NFIB: variants seen among roughly 807,000 people sequenced by gnomAD.
The protein encoded by NFIB is nuclear factor I B.
In NFIB, 11 loss-of-function variants were observed where a neutral mutation model predicts 61.5. The ratio of observed to expected loss-of-function variants is 0.18; its 90% confidence interval spans 0.11 to 0.30. The LOEUF (loss-of-function observed/expected upper bound fraction) is 0.30. NFIB is among the 10% of genes least tolerant of loss of function. The probability of loss-of-function intolerance (pLI) is 1.00; values close to 1 mark genes in which losing one functional copy is unlikely to be tolerated. For missense variants in NFIB, 471 were observed against 608.9 expected, an observed-to-expected ratio of 0.77 and a Z score of 2.38; for synonymous variants, 260 against 216.5, an observed-to-expected ratio of 1.20 and a Z score of -1.76.
the NFIB span, among the ~76,000 whole-genome samples, chr9:14,494,100 G>C: frequency 1.3e-5 from 2 of 152,306 alleles, no homozygotes; most frequent in South Asian, 2.1e-4. Context: ...TATTTTAAGA[G>C]TTCCTGGTGG....
the NFIB span, among the ~76,000 whole-genome samples, chr9:14,509,982 C>T: frequency 1.3e-5 from 2 of 152,146 alleles, no homozygotes; most frequent in Admixed American, 6.5e-5. Context: ...CTGCAACCTT[C>T]GCTTCCCAGG....
the NFIB span, among the ~76,000 whole-genome samples, chr9:14,425,019 G>T: frequency 1.6e-4 from 24 of 152,288 alleles, no homozygotes; most frequent in East Asian, 4.2e-3. Flanking sequence ...AAGGAGTAGT[G>T]AGTAAATATG....
In NFIB at chr9:14,212,851, T is replaced by A. The variant is rs139603624; in HGVS notation, c.563-33071A>T. ...GGTAGATATTACTATCCCCATTTCA[T>A]AGATAAGGAAATTGAGGCTCACAGA... On this transcript the variant is annotated intron_variant, in intron 2 of 10. Transcript: ENST00000380953. Among the ~76,000 whole-genome samples the A allele has an allele frequency of 3.3e-5, 5 of 152,316 alleles. No homozygotes were observed. In the East Asian group the frequency reaches 9.6e-4, roughly 29 times the overall value.
chr9:14,337,200 T>G (rs1392034883), intron 1 of NFIB, among the ~76,000 whole-genome samples: 2 of 152,100 alleles, frequency 1.3e-5, no homozygotes, highest in African/African-American at 4.8e-5. Flanking sequence ...ATACAAGAAG[T>G]TCTCAGTAGA....
intron 1 of NFIB, among the ~76,000 whole-genome samples, chr9:14,394,113 A>G (rs10116194): frequency 0.12 from 17,734 of 152,236 alleles, 1,601 homozygotes; most frequent in East Asian, 0.33. Context: ...GTTATGCAAA[A>G]CACTGCAGAT....
Position 14,083,207 on chromosome 9 carries a change from A to T in NFIB, c.*5102T>A, listed in dbSNP as rs565941989. 1 of 223,720 alleles carries T rather than the reference A, an allele frequency of 4.5e-6. No homozygotes were observed. Among genetic ancestry groups the T allele is most frequent in the East Asian group, 6.5e-5 (1 of 15,498 alleles). The allele number at this position is 223,720 out of a possible 1,614,324, so 13.9% of individuals were successfully genotyped here. Reference sequence around the variant, plus strand: ...TTACTATTAACAATGTGACCAACAGATCTGTGGCACGGACACAGTACAAAG... The same window carrying T: ...TTACTATTAACAATGTGACCAACAGTTCTGTGGCACGGACACAGTACAAAG... On this transcript the variant is annotated 3_prime_UTR_variant, in exon 11 of 11. Transcript: ENST00000380953.
At chr9:14,099,217 T>C (rs945503579) in intron 10 of NFIB, among the ~76,000 whole-genome samples, 19 of 152,216 alleles carry the variant, frequency 1.2e-4, no homozygotes, top group African/African-American at 4.6e-4. Context: ...AGGGATTGCC[T>C]TTTGTTAAAA....
intron 2 of NFIB, among the ~76,000 whole-genome samples, chr9:14,227,638 T>C (rs150340788): frequency 7.2e-5 from 11 of 152,336 alleles, no homozygotes; most frequent in African/African-American, 1.9e-4. Flanking sequence ...TCCAATGTTG[T>C]TGATGATAAT....
Position 14,155,912 on chromosome 9 carries a change from G to T in NFIB, c.617-19C>A. 7.0e-7 allele frequency: 1 copy of T among 1,427,494 alleles called. No individual in the cohort carries two copies. Among genetic ancestry groups the T allele is most frequent in the Non-Finnish European group, 9.7e-7 (1 of 1,032,366 alleles). 88.4% of individuals were successfully genotyped at this position (1,427,494 alleles called of 1,614,324 possible). A position where few individuals can be genotyped will look rare whatever the true frequency, so the allele number is the denominator to read the frequency against. Reference sequence around the variant, plus strand: ...AGGTAACCTGAAAATAAATATTAAAGGAAAAATGATCAATATAAGCAGAAA... The same window carrying T: ...AGGTAACCTGAAAATAAATATTAAATGAAAAATGATCAATATAAGCAGAAA... On this transcript the variant is annotated intron_variant, in intron 3 of 10. Coordinates refer to ENST00000380953, the MANE Select transcript of NFIB (RefSeq NM_001190737.2).
the NFIB span, among the ~76,000 whole-genome samples, chr9:14,450,569 C>T: frequency 2.6e-5 from 4 of 152,138 alleles, no homozygotes; most frequent in Non-Finnish European, 4.4e-5. Context: ...TTACTTATAA[C>T]AAACCTTGCT....
At chr9:14,474,635 C>G in the NFIB span, among the ~76,000 whole-genome samples, 1 of 152,176 alleles carries the variant, frequency 6.6e-6, no homozygotes, top group Non-Finnish European at 1.5e-5. Context: ...ATGATTCATT[C>G]TGAGGCCAAA....
the NFIB span, among the ~76,000 whole-genome samples, chr9:14,479,661 T>C: frequency 1.3e-5 from 2 of 152,230 alleles, no homozygotes; most frequent in Admixed American, 6.5e-5. Context: ...TCAACTGTCA[T>C]GTCTCACTTT....
chr9:14,274,429 CATTTT>C (rs2057857638), intron 2 of NFIB, among the ~76,000 whole-genome samples: 1 of 152,162 alleles, frequency 6.6e-6, no homozygotes, highest in Non-Finnish European at 1.5e-5. Context: ...GCCCAGCCCT[CATTTT>C]TCAGTCTGAT....
chr9:14,207,440 G>T (rs2049858023), intron 2 of NFIB, among the ~76,000 whole-genome samples: 1 of 152,204 alleles, frequency 6.6e-6, no homozygotes, highest in Non-Finnish European at 1.5e-5. Flanking sequence ...TTGTGGTTTG[G>T]TAATGTGTAC....
chr9:14,300,052 T>C lies in NFIB; in HGVS notation c.562+6937A>G, dbSNP rs2059666602. ...TCACTCCTTACTACAACGCACTTAG[T>C]TTTCACAAGTTCTCTGCAGTTTGAT... On this transcript the variant is annotated intron_variant, in intron 2 of 10. Coordinates refer to ENST00000380953, the MANE Select transcript of NFIB (RefSeq NM_001190737.2). 5.0e-5 allele frequency: 20 copies of C among 396,072 alleles called. No individual in the cohort carries two copies. In the East Asian group the frequency reaches 7.1e-4, roughly 14 times the overall value. 24.5% of individuals were successfully genotyped at this position (396,072 alleles called of 1,614,324 possible). A position where few individuals can be genotyped will look rare whatever the true frequency, so the allele number is the denominator to read the frequency against.
intron 1 of NFIB, among the ~76,000 whole-genome samples, chr9:14,309,911 T>A (rs954170443): frequency 6.6e-6 from 1 of 152,208 alleles, no homozygotes; most frequent in Non-Finnish European, 1.5e-5. Flanking sequence ...GTGGGCTCTG[T>A]CTCACTCATT....
chr9:14,367,842 A>T (rs904003721), intron 1 of NFIB, among the ~76,000 whole-genome samples: 15 of 152,158 alleles, frequency 9.9e-5, no homozygotes, highest in Non-Finnish European at 2.1e-4. Context: ...GAACACATGG[A>T]CACACGGAGG....
intron 2 of NFIB, among the ~76,000 whole-genome samples, chr9:14,214,059 T>G (rs2131748483): frequency 6.6e-6 from 1 of 152,246 alleles, no homozygotes; most frequent in Non-Finnish European, 1.5e-5. Context: ...AGAGCCCTCC[T>G]CAACCCTTCT....
At chr9:14,367,681 A>G (rs2061316081) in intron 1 of NFIB, among the ~76,000 whole-genome samples, 1 of 152,214 alleles carries the variant, frequency 6.6e-6, no homozygotes, top group Non-Finnish European at 1.5e-5. Context: ...CATATACACC[A>G]TGGAATACTA....
Sources: gnomAD v4.1 joint callset for allele counts (sites outside exome capture counted in the v4.1 genomes callset) on GRCh38, gnomAD v4.1.1 for gene constraint, MANE v1.5 for transcripts, NCBI Gene and HGNC (gene_info 2026-07-23, HGNC 2026-07-21) for gene names.